MECOM: variants seen among roughly 807,000 people sequenced by gnomAD.
MECOM encodes MDS1 and EVI1 complex locus, also known as histone-lysine N-methyltransferase MECOM.
MECOM carries 13 observed loss-of-function variants against 116.3 expected under a neutral mutation model. The ratio of observed to expected loss-of-function variants is 0.11; its 90% confidence interval spans 0.07 to 0.18. MECOM has a LOEUF of 0.18. Among genes scored for constraint, MECOM ranks in the 10% least tolerant of loss-of-function variants. The pLI, the probability that MECOM is intolerant of heterozygous loss-of-function variation, is 1.00. For missense variants in MECOM, 1,299 were observed against 1,509.0 expected (o/e 0.86, Z 2.31); for synonymous variants, 528 against 535.2 (o/e 0.99, Z 0.19).
rs556849601 is a variant in MECOM, at chr3:169,595,292, A to G, written c.37+68044T>C. Among the ~76,000 whole-genome samples the G allele has an allele frequency of 4.6e-4, 70 of 152,342 alleles. 1 individual carries two copies. In the South Asian group the frequency reaches 0.014, roughly 31 times the overall value. ...AAGTATACGTAGAAAATTCATCTCT[A>G]AAAGCATACTACCCACCAACGACTA... On this transcript the variant is annotated intron_variant, in intron 1 of 16. Coordinates refer to ENST00000651503, the MANE Select transcript of MECOM (RefSeq NM_004991.4).
chr3:169,294,866 T>C (rs1715296352), intron 2 of MECOM, among the ~76,000 whole-genome samples: 1 of 152,152 alleles, frequency 6.6e-6, no homozygotes, highest in Admixed American at 6.6e-5. Context: ...TTTGGGCTTA[T>C]ATTCATGCTC....
intron 1 of MECOM, among the ~76,000 whole-genome samples, chr3:169,388,599 C>T (rs1365505854): frequency 6.6e-6 from 1 of 152,172 alleles, no homozygotes; most frequent in Admixed American, 6.5e-5. Context: ...TGCAGAATTA[C>T]AGGCTTAGAA....
chr3:169,530,701 T>C (rs917860847), intron 1 of MECOM, among the ~76,000 whole-genome samples: 1 of 152,120 alleles, frequency 6.6e-6, no homozygotes, highest in African/African-American at 2.4e-5. Flanking sequence ...TTACTGACTA[T>C]AGACTTGGCA....
Position 169,611,029 on chromosome 3 carries a change from C to G in MECOM, c.37+52307G>C, listed in dbSNP as rs140903380. ...AAACTTGCCTTATGATAAAAACCAC[C>G]TTCAGCATTTGTTAAAAATTACCCA... On this transcript the variant is annotated intron_variant, in intron 1 of 16. Coordinates refer to ENST00000651503, the MANE Select transcript of MECOM (RefSeq NM_004991.4). The surrounding 1 kb of genome is among the most constrained non-coding windows in gnomAD (Gnocchi z 4.1). Among the ~76,000 whole-genome samples the G allele has an allele frequency of 6.3e-4, 96 of 152,332 alleles. No individual in the cohort carries two copies. Among genetic ancestry groups the G allele is most frequent in the African/African-American group, 2.2e-3 (90 of 41,584 alleles).
intron 1 of MECOM, chr3:169,623,996 T>C (rs1560505842): frequency 6.6e-6 from 1 of 152,228 alleles, no homozygotes; most frequent in African/African-American, 2.4e-5. Context: ...GACTACTTAA[T>C]TACCATCAAT....
At chr3:169,512,585 C>T (rs1228291161) in intron 1 of MECOM, among the ~76,000 whole-genome samples, 1 of 152,228 alleles carries the variant, frequency 6.6e-6, no homozygotes, top group African/African-American at 2.4e-5. Context: ...CCCATAGTGA[C>T]CAACTACATC....
At chr3:169,349,485 T>A (rs1725937638) in intron 2 of MECOM, among the ~76,000 whole-genome samples, 1 of 151,904 alleles carries the variant, frequency 6.6e-6, no homozygotes, top group Non-Finnish European at 1.5e-5. Context: ...TTGCTTGGTG[T>A]TCACATGTTT....
intron 12 of MECOM, among the ~76,000 whole-genome samples, chr3:169,096,139 AG>A (rs1442314595): frequency 2.0e-5 from 3 of 152,148 alleles, no homozygotes; most frequent in African/African-American, 7.2e-5. Context: ...GAAGAAGAAA[AG>A]GGTTTTTAGT....
rs555853809 is a variant in MECOM at position 169,352,868 on chromosome 3, T to C, written c.375+28319A>G. Among the ~76,000 whole-genome samples the C allele has an allele frequency of 6.6e-5, 10 of 151,994 alleles. No individual in the cohort carries two copies. The East Asian group carries it at 1.7e-3, about 27-fold the overall frequency. ...TAGATGACCTAAGAAGAGATGACAA[T>C]TTCTTGATTAAAAATGTCCCTCTCA... is the stretch of plus-strand genomic sequence containing the variant. On this transcript the variant is annotated intron_variant, in intron 2 of 16. Coordinates refer to ENST00000651503, the MANE Select transcript of MECOM (RefSeq NM_004991.4).
At chr3:169,662,529 C>T (rs931879979) in intron 1 of MECOM, among the ~76,000 whole-genome samples, 9 of 152,154 alleles carry the variant, frequency 5.9e-5, no homozygotes, top group African/African-American at 2.2e-4. Flanking sequence ...TCCTCCCCAC[C>T]TGCGCGTGGC....
intron 1 of MECOM, among the ~76,000 whole-genome samples, chr3:169,644,135 A>T (rs1773845952): frequency 6.6e-6 from 1 of 152,154 alleles, no homozygotes; most frequent in South Asian, 2.1e-4. Context: ...TCCTCTTAAA[A>T]TACATAGATT....
intron 2 of MECOM, among the ~76,000 whole-genome samples, chr3:169,191,717 AAAAAAAGAAAGAAAGAAAGAAAGAGAAAG>A (rs1747604208): frequency 7.5e-5 from 2 of 26,692 alleles, no homozygotes; most frequent in Admixed American, 4.3e-4. Flanking sequence ...AGAAAGAAAG[AAAAAAAGAAAGAAAGAAAGAAAGAGAAAG>A]AAAGAAAGAA....
chr3:169,361,256 C>T (rs1728260119), intron 2 of MECOM, among the ~76,000 whole-genome samples: 1 of 151,782 alleles, frequency 6.6e-6, no homozygotes, highest in South Asian at 2.1e-4. Context: ...GGGACACTTA[C>T]TAAAGTCTTC....
At chr3:169,534,549 A>T (rs1358651374) in intron 1 of MECOM, among the ~76,000 whole-genome samples, 2 of 129,206 alleles carry the variant, frequency 1.5e-5, no homozygotes, top group African/African-American at 6.2e-5. Context: ...TCCTTTTATT[A>T]AAAAAAAACC....
chr3:169,346,526 T>C (rs1360585474), intron 2 of MECOM, among the ~76,000 whole-genome samples: 2 of 151,988 alleles, frequency 1.3e-5, no homozygotes, highest in Admixed American at 6.6e-5. Flanking sequence ...ATAACCACGA[T>C]AGCTGAATTC....
chr3:169,112,981 T>C, intron 8 of MECOM, 107 bp from the exon 9 acceptor site: 12 of 780,702 alleles, frequency 1.5e-5, no homozygotes, highest in Non-Finnish European at 2.5e-5. Flanking sequence ...GGTAGGTTTC[T>C]GGGAAGCGCA....
chr3:169,247,586 G>A (rs539844312), intron 2 of MECOM, among the ~76,000 whole-genome samples: 7 of 152,372 alleles, frequency 4.6e-5, no homozygotes, highest in African/African-American at 1.2e-4. Context: ...TTACAGGCGT[G>A]AGCCACTGTA....
chr3:169,095,194 A>G lies in MECOM; in HGVS notation c.2901T>C (p.His967=), dbSNP rs199804681. Residue 967 remains histidine, a synonymous_variant, in exon 13 of 17, where the codon CAT becomes CAC. Coordinates refer to ENST00000651503, the MANE Select transcript of MECOM (RefSeq NM_004991.4). ...SFSISSNLQR[H]VRNIHNKEKP... is the part of the protein sequence containing the mutation. ...TCTCTTTATTGTGGATGTTGCGAAC[A>G]TGCCTTTGCAAGTTAGAAGATATGC... 3.7e-6 allele frequency: 6 copies of G among 1,613,594 alleles called. No homozygotes were observed. Among genetic ancestry groups the G allele is most frequent in the East Asian group, 4.5e-5 (2 of 44,800 alleles).
rs1047846185 is a variant in MECOM, at chr3:169,322,954, T to G, written c.375+58233A>C. ...GGCAGAGTTTGCAGTGAGCTGAGATTGCACCACTACACTCCAGCCTGCATG... is the reference window on the plus strand; with the variant it reads ...GGCAGAGTTTGCAGTGAGCTGAGATGGCACCACTACACTCCAGCCTGCATG... On this transcript the variant is annotated intron_variant, in intron 2 of 16. Transcript: ENST00000651503. Among the ~76,000 whole-genome samples, 3 of 126,572 alleles carry G rather than the reference T, an allele frequency of 2.4e-5. 1 individual carries two copies. The allele number at this position is 126,572 out of a possible 152,430, so 83.0% of individuals were successfully genotyped here.
Sources: gnomAD v4.1 joint callset for allele counts (sites outside exome capture counted in the v4.1 genomes callset) on GRCh38, gnomAD v4.1.1 for gene constraint, Gnocchi (gnomAD v3.1) non-coding constraint, MANE v1.5 for transcripts, NCBI Gene and HGNC (gene_info 2026-07-23, HGNC 2026-07-21) for gene names.